The following RAB6A variants were observed in gnomAD, a reference collection of about 807,000 sequenced individuals.
RAB6A encodes the protein RAB6A, member RAS oncogene family.
A neutral mutation model predicts 32.3 loss-of-function variants in RAB6A; 8 were observed. The observed-to-expected ratio is 0.25, with a 90% CI of 0.15 to 0.45. The LOEUF is 0.45. Ranked by LOEUF, RAB6A falls within the 20% of genes least tolerant of loss-of-function variation. The pLI, the probability that RAB6A is intolerant of heterozygous loss-of-function variation, is 1.00. For missense variants in RAB6A, 104 were observed against 249.4 expected (o/e 0.42, Z 3.93); for synonymous variants, 73 against 82.1 (o/e 0.89, Z 0.60).
At chr11:73,758,906 G>T (rs1368830684) in intron 1 of RAB6A, among the ~76,000 whole-genome samples, 1 of 152,062 alleles carries the variant, frequency 6.6e-6, no homozygotes, top group African/African-American at 2.4e-5. Flanking sequence ...CTCACCTAAA[G>T]ACACAAGTTT....
intron 1 of RAB6A, among the ~76,000 whole-genome samples, chr11:73,754,786 G>A (rs188359818): frequency 4.4e-4 from 67 of 152,054 alleles, no homozygotes; most frequent in African/African-American, 1.5e-3. Context: ...CAGGCATGGC[G>A]GCATGTACCT....
At chr11:73,727,754 TAAAAA>T (rs1946243865) in intron 2 of RAB6A, among the ~76,000 whole-genome samples, 1 of 152,174 alleles carries the variant, frequency 6.6e-6, no homozygotes, top group Non-Finnish European at 1.5e-5. Flanking sequence ...AAGATTACCC[TAAAAA>T]GGTTTCTGAA....
At chr11:73,754,593 T>C (rs1460183717) in intron 1 of RAB6A, among the ~76,000 whole-genome samples, 2 of 152,210 alleles carry the variant, frequency 1.3e-5, no homozygotes, top group African/African-American at 4.8e-5. Flanking sequence ...AATATCTGTT[T>C]GGAAAATAGT....
At position 73,682,869 on chromosome 11, in the gene RAB6A, T is replaced by C. The variant is rs77149874; in HGVS notation, c.496-3149A>G. ...TTCTAAAAGTTTAATAATATAAGGT[T>C]AGGCAATCCTGATCTTTTTTATGAG... On this transcript the variant is annotated intron_variant, in intron 6 of 7. Coordinates refer to ENST00000336083, the MANE Select transcript of RAB6A (RefSeq NM_198896.2). Among the ~76,000 whole-genome samples, 1,383 of 152,238 alleles carry C rather than the reference T, an allele frequency of 9.1e-3. 18 individuals carry two copies. The highest frequency in any genetic ancestry group is 0.032 in the African/African-American group (1,315 of 41,564).
At chr11:73,760,292 T>C (rs1590903336) in intron 1 of RAB6A, among the ~76,000 whole-genome samples, 1 of 135,472 alleles carries the variant, frequency 7.4e-6, no homozygotes, top group African/African-American at 2.8e-5. Context: ...CTGGGCGGGG[T>C]GAGGTCTGGG....
Position 73,760,944 on chromosome 11 carries a change from C to T in RAB6A, c.-309G>A. ...GCTAGGGCCGTTCCCTCCTTCCGCACTCGGCTCCCAGACCTGGGGAAGAGA... is the reference window on the plus strand; with the variant it reads ...GCTAGGGCCGTTCCCTCCTTCCGCATTCGGCTCCCAGACCTGGGGAAGAGA... On this transcript the variant is annotated 5_prime_UTR_variant, in exon 1 of 8. In the 5' UTR this introduces an upstream ATG that the reference lacks. Coordinates refer to ENST00000336083, the MANE Select transcript of RAB6A (RefSeq NM_198896.2). 1 of 324,912 alleles carries T rather than the reference C, an allele frequency of 3.1e-6. No individual in the cohort carries two copies. The allele number at this position is 324,912 out of a possible 1,614,324, so 20.1% of individuals were successfully genotyped here.
intron 1 of RAB6A, among the ~76,000 whole-genome samples, chr11:73,745,729 G>A (rs1246330242): frequency 6.6e-6 from 1 of 152,092 alleles, no homozygotes; most frequent in African/African-American, 2.4e-5. Context: ...CTACCAAGGA[G>A]GCTGAGGCAG....
At chr11:73,731,684 T>TAATATATATATATATA (rs1318187273) in intron 1 of RAB6A, among the ~76,000 whole-genome samples, 1 of 14,518 alleles carries the variant, frequency 6.9e-5, no homozygotes, top group Non-Finnish European at 1.4e-4. Context: ...TAGATAGATA[T>TAATATATATATATATA]TATATATATA....
At chr11:73,759,406 T>C (rs1462364483) in intron 1 of RAB6A, among the ~76,000 whole-genome samples, 1 of 152,082 alleles carries the variant, frequency 6.6e-6, no homozygotes, top group Non-Finnish European at 1.5e-5. Flanking sequence ...AATACAAAAG[T>C]ACAGTGACAG....
At chr11:73,717,667 C>T (rs567461626) in intron 4 of RAB6A, among the ~76,000 whole-genome samples, 1 of 152,322 alleles carries the variant, frequency 6.6e-6, no homozygotes, top group Non-Finnish European at 1.5e-5. Flanking sequence ...TGGTCTCAAA[C>T]TCCTGACCTC....
At position 73,733,959 on chromosome 11, in the gene RAB6A, CT is replaced by C. The variant is rs1467034605; in HGVS notation, c.71-3137del. ...TTATACTTTAAAATAAAATCTTTTT[CT>C]CAAAGAGTAAAACACTTTACTATAT... On this transcript the variant is annotated intron_variant, in intron 1 of 7. Coordinates refer to ENST00000336083, the MANE Select transcript of RAB6A (RefSeq NM_198896.2). Among the ~76,000 whole-genome samples, 10 of 152,128 alleles carry C rather than the reference CT, an allele frequency of 6.6e-5. No homozygotes were observed. In the East Asian group the frequency reaches 1.9e-3, roughly 29 times the overall value.
At chr11:73,702,747 T>C (rs1945766730) in intron 6 of RAB6A, among the ~76,000 whole-genome samples, 1 of 152,194 alleles carries the variant, frequency 6.6e-6, no homozygotes, top group African/African-American at 2.4e-5. Context: ...ATATCTTCAT[T>C]GCTGTGGTCA....
chr11:73,695,821 T>C (rs1003864345), intron 6 of RAB6A, among the ~76,000 whole-genome samples: 1 of 152,220 alleles, frequency 6.6e-6, no homozygotes, highest in African/African-American at 2.4e-5. Context: ...CATATTTAAG[T>C]TGCAGTGACA....
intron 6 of RAB6A, among the ~76,000 whole-genome samples, chr11:73,684,415 C>T (rs191576715): frequency 1.3e-5 from 2 of 152,182 alleles, no homozygotes; most frequent in East Asian, 3.9e-4. Flanking sequence ...GTGATCCACG[C>T]ATCTTGGCCT....
intron 3 of RAB6A, chr11:73,718,963 T>C (rs1565363000): frequency 7.9e-6 from 11 of 1,391,646 alleles, no homozygotes; most frequent in Middle Eastern, 2.1e-4. Flanking sequence ...AAACAATGTT[T>C]TTTGTAAAAG....
At chr11:73,681,036 ATTAT>A (rs1348180312) in intron 6 of RAB6A, among the ~76,000 whole-genome samples, 1 of 149,994 alleles carries the variant, frequency 6.7e-6, no homozygotes, top group Non-Finnish European at 1.5e-5. Flanking sequence ...GATTATTTCA[ATTAT>A]TTATCTTTTA....
intron 1 of RAB6A, among the ~76,000 whole-genome samples, chr11:73,746,163 A>G (rs1447975589): frequency 6.6e-6 from 1 of 151,360 alleles, no homozygotes; most frequent in African/African-American, 2.4e-5. Context: ...CCATCAATTT[A>G]AAAGAAAAAA....
At position 73,730,750 on chromosome 11, in the gene RAB6A, G is replaced by C. The variant is rs533186881; in HGVS notation, c.129+15C>G. 2.0e-5 allele frequency: 32 copies of C among 1,582,100 alleles called. No homozygotes were observed. Among genetic ancestry groups the C allele is most frequent in the Non-Finnish European group, 2.5e-5 (29 of 1,161,352 alleles). ...CAAAAAATAGACAACAAATAAATTG[G>C]CAAAAACAAAATACCTGATAGGTGT... On this transcript the variant is annotated intron_variant, in intron 2 of 7. Transcript: ENST00000336083.
At chr11:73,680,501 A>T (rs931319102) in intron 6 of RAB6A, among the ~76,000 whole-genome samples, 1 of 152,130 alleles carries the variant, frequency 6.6e-6, no homozygotes, top group African/African-American at 2.4e-5. Flanking sequence ...AAAATACAAA[A>T]ATGAGCTGGG....
Sources: allele counts gnomAD v4.1 joint callset (sites outside exome capture counted in the v4.1 genomes callset), GRCh38; gene constraint gnomAD v4.1.1; transcripts MANE v1.5; gene names NCBI Gene and HGNC (gene_info 2026-07-23, HGNC 2026-07-21).